CEP63: variants seen among roughly 807,000 people sequenced by gnomAD.
CEP63 encodes centrosomal protein of 63 kDa.
CEP63 carries 84 observed loss-of-function variants against 89.1 expected under a neutral mutation model. That is an observed-to-expected ratio of 0.94 (90% CI 0.79 to 1.13). The LOEUF (loss-of-function observed/expected upper bound fraction) is 1.13. Among genes scored for constraint, CEP63 ranks in the 50% most tolerant of loss-of-function variants. The probability of loss-of-function intolerance (pLI) is 0.00; values close to 1 mark genes in which losing one functional copy is unlikely to be tolerated. For synonymous variants in CEP63, 267 were observed against 272.5 expected (o/e 0.98, Z 0.20); for missense variants, 838 against 813.3 (o/e 1.03, Z -0.37).
the CEP63 span, among the ~76,000 whole-genome samples, chr3:134,614,237 C>T: frequency 6.6e-6 from 1 of 152,152 alleles, no homozygotes; most frequent in Non-Finnish European, 1.5e-5. Context: ...TTTCCACCTC[C>T]TGAAGAGCTC....
the CEP63 span, among the ~76,000 whole-genome samples, chr3:134,640,954 C>A: frequency 6.6e-6 from 1 of 152,208 alleles, no homozygotes; most frequent in Non-Finnish European, 1.5e-5. Flanking sequence ...AGATTAGAAG[C>A]CTCCCAGGCC....
chr3:134,649,185 T>C, the CEP63 span, among the ~76,000 whole-genome samples: 1 of 152,186 alleles, frequency 6.6e-6, no homozygotes, highest in Non-Finnish European at 1.5e-5. Flanking sequence ...AGAAAAATAT[T>C]TGGAGAAAAA....
At chr3:134,497,643 C>T (rs560345680) in intron 2 of CEP63, among the ~76,000 whole-genome samples, 146 of 152,234 alleles carry the variant, frequency 9.6e-4, no homozygotes, top group Middle Eastern at 3.4e-3. Flanking sequence ...TAGTTGGGAT[C>T]ACAGGCATCA....
In CEP63 at chr3:134,561,627, T is replaced by A; in HGVS notation, c.*92T>A. Reference sequence around the variant, plus strand: ...GCAGCTCTTTAAAAACATGAAGAGATAAAATTATAAAAATGATACATCTAA... The same window carrying A: ...GCAGCTCTTTAAAAACATGAAGAGAAAAAATTATAAAAATGATACATCTAA... On this transcript the variant is annotated 3_prime_UTR_variant, in exon 15 of 15. Transcript: ENST00000675561. 6.5e-7 allele frequency: 1 copy of A among 1,529,910 alleles called. No homozygotes were observed. Among genetic ancestry groups the A allele is most frequent in the Non-Finnish European group, 8.8e-7 (1 of 1,140,052 alleles). The allele number at this position is 1,529,910 out of a possible 1,614,324, so 94.8% of individuals were successfully genotyped here.
chr3:134,565,168 C>T (rs1957697727), downstream of CEP63: 1 of 175,230 alleles, frequency 5.7e-6, no homozygotes, highest in African/African-American at 2.4e-5. Flanking sequence ...TCATCTCATT[C>T]TTCTTGTCCT....
At chr3:134,761,775 G>A in the CEP63 span, among the ~76,000 whole-genome samples, 2 of 152,114 alleles carry the variant, frequency 1.3e-5, no homozygotes, top group Non-Finnish European at 1.5e-5. Context: ...AATCTCAAGA[G>A]AGGAGAGCCC....
At chr3:134,530,899 C>T (rs1258681874) in intron 3 of CEP63, among the ~76,000 whole-genome samples, 1 of 152,144 alleles carries the variant, frequency 6.6e-6, no homozygotes, top group Non-Finnish European at 1.5e-5. Flanking sequence ...CCCTTGTGTT[C>T]CCTGTTTTCC....
the CEP63 span, among the ~76,000 whole-genome samples, chr3:134,640,503 T>C: frequency 1.3e-5 from 2 of 152,098 alleles, no homozygotes; most frequent in Non-Finnish European, 2.9e-5. Flanking sequence ...ACACCAAGTG[T>C]CCCACCTCTG....
In CEP63 at chr3:134,562,463, T is replaced by C. The variant is rs1034293135; in HGVS notation, c.*928T>C. 2 of 153,162 alleles carry C rather than the reference T, an allele frequency of 1.3e-5. No homozygotes were observed. Among genetic ancestry groups the C allele is most frequent in the African/African-American group, 4.8e-5 (2 of 41,464 alleles). 9.5% of individuals were successfully genotyped at this position (153,162 alleles called of 1,614,324 possible). On this transcript the variant is annotated 3_prime_UTR_variant, in exon 15 of 15. Transcript: ENST00000675561. ...CTTGCCAGCTCAAGGGTGTGGCCTC[T>C]GTGAACCCTCTTTCTGTAGTGGATC... is the stretch of plus-strand genomic sequence containing the variant.
At chr3:134,691,957 G>T in the CEP63 span, among the ~76,000 whole-genome samples, 226 of 152,168 alleles carry the variant, frequency 1.5e-3, 2 homozygotes, top group Admixed American at 3.3e-3. Flanking sequence ...TGATCTGCTC[G>T]TCTTGATCTC....
chr3:134,647,488 C>T, the CEP63 span: 1 of 1,607,128 alleles, frequency 6.2e-7, no homozygotes, highest in Middle Eastern at 1.7e-4. Context: ...ATTTCCAACA[C>T]CTTGGAATCC....
intron 11 of CEP63, among the ~76,000 whole-genome samples, chr3:134,571,344 TGAG>T (rs1488195601): frequency 1.3e-5 from 2 of 152,182 alleles, no homozygotes; most frequent in Non-Finnish European, 2.9e-5. Context: ...CTGGCAGAGT[TGAG>T]GAGCCTATGG....
chr3:134,512,466 A>G (rs1419046629), intron 3 of CEP63, among the ~76,000 whole-genome samples: 1 of 152,174 alleles, frequency 6.6e-6, no homozygotes, highest in African/African-American at 2.4e-5. Flanking sequence ...AACTTCCATC[A>G]TTATTAGCAT....
the CEP63 span, chr3:134,607,979 C>T: frequency 9.8e-7 from 1 of 1,016,140 alleles, no homozygotes; most frequent in Non-Finnish European, 1.2e-6. Flanking sequence ...ATGTCCATCT[C>T]TGTCTAGCTA....
chr3:134,558,806 TCACCTCCACTCCTA>T (rs1956771776), intron 13 of CEP63, among the ~76,000 whole-genome samples: 1 of 152,210 alleles, frequency 6.6e-6, no homozygotes, highest in Non-Finnish European at 1.5e-5. Context: ...GCTGACACCC[TCACCTCCACTCCTA>T]CACCCACCCA....
the CEP63 span, among the ~76,000 whole-genome samples, chr3:134,722,610 T>A: frequency 6.6e-6 from 1 of 152,188 alleles, no homozygotes; most frequent in African/African-American, 2.4e-5. Flanking sequence ...AGTTTGTTAT[T>A]CTTTTTCTAG....
the CEP63 span, among the ~76,000 whole-genome samples, chr3:134,679,560 A>G: frequency 6.6e-6 from 1 of 152,358 alleles, no homozygotes; most frequent in Non-Finnish European, 1.5e-5. Flanking sequence ...TTAAGAACAT[A>G]TAAACTATTA....
the CEP63 span, among the ~76,000 whole-genome samples, chr3:134,683,546 C>T: frequency 6.6e-6 from 1 of 152,140 alleles, no homozygotes; most frequent in East Asian, 1.9e-4. Context: ...AACATAAACT[C>T]CATCAGTTAC....
chr3:134,508,700 A>G (rs543023595), intron 3 of CEP63, among the ~76,000 whole-genome samples: 2 of 152,318 alleles, frequency 1.3e-5, no homozygotes, highest in Non-Finnish European at 2.9e-5. Context: ...TGCCCTTGAC[A>G]TCAAAATTTC....
Sources: gnomAD v4.1 joint callset for allele counts (sites outside exome capture counted in the v4.1 genomes callset) on GRCh38, gnomAD v4.1.1 for gene constraint, MANE v1.5 for transcripts, NCBI Gene and HGNC (gene_info 2026-07-23, HGNC 2026-07-21) for gene names.